Variants in CSMD1 observed in about 807,000 individuals in gnomAD.
CSMD1 encodes CUB and Sushi multiple domains 1, also known as CUB and sushi domain-containing protein 1.
Under a neutral mutation model 417.5 loss-of-function variants are expected in CSMD1, and 213 were observed. The observed-to-expected ratio is 0.51, with a 90% CI of 0.46 to 0.57. CSMD1 has a LOEUF of 0.57. Among genes scored for constraint, CSMD1 ranks in the 20% least tolerant of loss-of-function variants. CSMD1 has a pLI of 0.00. For synonymous variants in CSMD1, 2,862 were observed against 1,736.8 expected (o/e 1.65, Z -16.11); for missense variants, 6,923 against 4,529.7 (o/e 1.53, Z -15.17).
chr8:3,753,539 A>G (rs1355444653), intron 6 of CSMD1, among the ~76,000 whole-genome samples: 1 of 152,222 alleles, frequency 6.6e-6, no homozygotes, highest in African/African-American at 2.4e-5. Flanking sequence ...ATTAAAAGTG[A>G]TATTACAATA....
At chr8:4,574,935 A>G (rs2617011) in intron 2 of CSMD1, among the ~76,000 whole-genome samples, 93,605 of 151,686 alleles carry the variant, frequency 0.62, 29,532 homozygotes, top group African/African-American at 0.76. Flanking sequence ...AATATCTTTT[A>G]GATCAAGAAC....
At chr8:3,412,122 ACG>A (rs1491420831) in intron 12 of CSMD1, among the ~76,000 whole-genome samples, 1 of 133,098 alleles carries the variant, frequency 7.5e-6, no homozygotes, top group African/African-American at 2.9e-5. Context: ...ATATATACAC[ACG>A]TATATATACA....
chr8:4,621,604 A>G (rs1801784298), intron 2 of CSMD1, among the ~76,000 whole-genome samples: 1 of 152,116 alleles, frequency 6.6e-6, no homozygotes, highest in African/African-American at 2.4e-5. Flanking sequence ...TTCTGTCTTA[A>G]ATTTTATCTA....
chr8:4,529,875 T>G (rs1395279487), intron 2 of CSMD1, among the ~76,000 whole-genome samples: 1 of 137,050 alleles, frequency 7.3e-6, no homozygotes, highest in African/African-American at 3.1e-5. Flanking sequence ...CTGCCATTGT[T>G]TTTTTTTTTT....
intron 20 of CSMD1, 65 bp from the exon 21 acceptor site, chr8:3,359,405 A>G: frequency 8.5e-7 from 1 of 1,169,808 alleles, no homozygotes; most frequent in Non-Finnish European, 1.2e-6. Context: ...ATTAAATAGC[A>G]AGAATAAAAA....
At chr8:4,900,612 G>C (rs1048141464) in intron 1 of CSMD1, among the ~76,000 whole-genome samples, 1 of 152,164 alleles carries the variant, frequency 6.6e-6, no homozygotes, top group Non-Finnish European at 1.5e-5. Flanking sequence ...TCTGGTTCCA[G>C]ATTCGTGCCC....
At chr8:3,436,810 C>T (rs1267390135) in intron 12 of CSMD1, among the ~76,000 whole-genome samples, 1 of 152,106 alleles carries the variant, frequency 6.6e-6, no homozygotes. Context: ...CAAACACTGT[C>T]CATGGCTATA....
intron 5 of CSMD1, among the ~76,000 whole-genome samples, chr8:3,786,630 G>C (rs189462047): frequency 6.6e-6 from 1 of 152,094 alleles, no homozygotes; most frequent in Non-Finnish European, 1.5e-5. Context: ...CTTAAATCTA[G>C]CATCTTAGTT....
chr8:3,720,868 A>G (rs1286943419), intron 6 of CSMD1, among the ~76,000 whole-genome samples: 1 of 151,340 alleles, frequency 6.6e-6, no homozygotes, highest in Non-Finnish European at 1.5e-5. Flanking sequence ...TTGAAGTGCA[A>G]TGGCGTGATC....
chr8:4,159,152 G>A lies in CSMD1; in HGVS notation c.416-127053C>T, dbSNP rs565818125. 8.3e-4 allele frequency among the ~76,000 whole-genome samples: 126 copies of A among 152,150 alleles called. 1 individual carries two copies. In the Middle Eastern group the frequency reaches 0.01, roughly 12 times the overall value. On this transcript the variant is annotated intron_variant, in intron 3 of 69. Transcript: ENST00000635120. Reference sequence around the variant, plus strand: ...GCTGGTCTTGAACTCCCAACTTCAGGTAATCCACCTGTCTCGGCCTCCCAA... The same window carrying A: ...GCTGGTCTTGAACTCCCAACTTCAGATAATCCACCTGTCTCGGCCTCCCAA...
At chr8:4,503,415 C>G (rs1286884445) in intron 2 of CSMD1, among the ~76,000 whole-genome samples, 1 of 151,886 alleles carries the variant, frequency 6.6e-6, no homozygotes, top group African/African-American at 2.4e-5. Flanking sequence ...TAAAATAAGT[C>G]GAGAAAATAC....
At chr8:3,373,831 GGTAT>G (rs1225859775) in intron 18 of CSMD1, 2 of 152,112 alleles carry the variant, frequency 1.3e-5, no homozygotes, top group Non-Finnish European at 1.5e-5. Flanking sequence ...CAAGGATGCA[GGTAT>G]GTTACATTAG....
intron 2 of CSMD1, among the ~76,000 whole-genome samples, chr8:4,455,805 C>T (rs1343297277): frequency 1.3e-5 from 2 of 150,848 alleles, no homozygotes; most frequent in Non-Finnish European, 3.0e-5. Context: ...GTGGCATGTG[C>T]CTGGAATCCC....
intron 2 of CSMD1, among the ~76,000 whole-genome samples, chr8:4,465,894 C>T (rs182389619): frequency 2.4e-4 from 36 of 152,290 alleles, no homozygotes; most frequent in African/African-American, 6.3e-4. Context: ...TGACTCACTG[C>T]ACTAACAAAC....
At chr8:3,494,591 G>GATAGATAC (rs1396904581) in intron 10 of CSMD1, among the ~76,000 whole-genome samples, 1 of 150,890 alleles carries the variant, frequency 6.6e-6, no homozygotes, top group East Asian at 1.9e-4. Context: ...TAGATAGATA[G>GATAGATAC]ATAGATAGAT....
chr8:4,161,686 G>A (rs888392996), intron 3 of CSMD1, among the ~76,000 whole-genome samples: 1 of 152,106 alleles, frequency 6.6e-6, no homozygotes, highest in Non-Finnish European at 1.5e-5. Flanking sequence ...TTACAATTTA[G>A]CAGAAAAATC....
At chr8:3,927,003 C>A (rs186650938) in intron 5 of CSMD1, among the ~76,000 whole-genome samples, 1 of 151,754 alleles carries the variant, frequency 6.6e-6, no homozygotes, top group Non-Finnish European at 1.5e-5. Flanking sequence ...CGTGAGCCAC[C>A]GTGCCCGGCC....
At position 3,407,994 on chromosome 8, in the gene CSMD1, A is replaced by G; in HGVS notation, c.1976T>C (p.Val659Ala). Residue 659 changes from valine to alanine, a missense_variant, in exon 14 of 70, where the codon GTG (valine) becomes GCG (alanine). Coordinates refer to ENST00000635120, the MANE Select transcript of CSMD1 (RefSeq NM_033225.6). ...TVLGTFSGNE[V>A]PSQLASSGHI... ...CCCACTGCTGGCCAGCTGGGAAGGC[A>G]CTTCATTGCCAGAAAAAGTACCCAG... 1.2e-6 allele frequency: 2 copies of G among 1,613,948 alleles called. No homozygotes were observed. Among genetic ancestry groups the G allele is most frequent in the South Asian group, 1.1e-5 (1 of 91,068 alleles).
At chr8:4,016,178 T>G (rs1044431392) in intron 4 of CSMD1, among the ~76,000 whole-genome samples, 1 of 152,182 alleles carries the variant, frequency 6.6e-6, no homozygotes, top group African/African-American at 2.4e-5. Context: ...GTTCATAACG[T>G]AACACTTGCC....
Sources: allele counts gnomAD v4.1 joint callset (sites outside exome capture counted in the v4.1 genomes callset), GRCh38; gene constraint gnomAD v4.1.1; transcripts MANE v1.5; gene names NCBI Gene and HGNC (gene_info 2026-07-23, HGNC 2026-07-21).